MIAT: variants seen among roughly 807,000 people sequenced by gnomAD.
The protein encoded by MIAT is myocardial infarction associated transcript, also known as MI related novel mRNA.
intron 2 of MIAT, among the ~76,000 whole-genome samples, chr22:26,659,501 A>G (rs1272795294): frequency 6.6e-6 from 1 of 152,004 alleles, no homozygotes; most frequent in Non-Finnish European, 1.5e-5. Context: ...ATAACCCCTT[A>G]CCGCCAGCTT....
intron 2 of MIAT, among the ~76,000 whole-genome samples, chr22:26,651,507 G>C (rs187123960): frequency 6.6e-6 from 1 of 152,144 alleles, no homozygotes; most frequent in Non-Finnish European, 1.5e-5. Context: ...AAGGCAAGGT[G>C]GGGGAATAGA....
intron 1 of MIAT, chr22:26,646,991 A>T: frequency 2.5e-6 from 1 of 398,544 alleles, no homozygotes; most frequent in Non-Finnish European, 4.4e-6. Flanking sequence ...GCATTTCTGC[A>T]GCCCTTTCAA....
At chr22:26,671,226 C>T (rs897783741), downstream of MIAT, 1 of 398,620 alleles carries the variant, frequency 2.5e-6, no homozygotes, top group Non-Finnish European at 4.4e-6. Flanking sequence ...CTCTGAGACC[C>T]ACAGCCAATA....
Position 26,657,409 on chromosome 22 carries a change from G to A in MIAT, n.647-5907G>A, listed in dbSNP as rs2146002124. On this transcript the variant is annotated intron_variant and non_coding_transcript_variant, in intron 2 of 5. Coordinates refer to ENST00000643270, the Ensembl canonical transcript of MIAT. ...GGGCGCAAGGAGGCGGGAGGAGGGT[G>A]GAGGTGAGGGCCGGGGGTGGGGCGC... is the stretch of plus-strand genomic sequence containing the variant. 7.5e-6 allele frequency: 3 copies of A among 398,162 alleles called. 1 individual carries two copies. Among genetic ancestry groups the A allele is most frequent in the Admixed American group, 8.8e-5 (2 of 22,732 alleles). The allele number at this position is 398,162 out of a possible 1,614,324, so 24.7% of individuals were successfully genotyped here. A position where few individuals can be genotyped will look rare whatever the true frequency, so the allele number is the denominator to read the frequency against.
At chr22:26,648,808 G>A (rs183815652) in intron 2 of MIAT, among the ~76,000 whole-genome samples, 102 of 152,254 alleles carry the variant, frequency 6.7e-4, no homozygotes, top group Middle Eastern at 3.4e-3. Context: ...TGTCTGTTTA[G>A]CTTCTAAGAT....
At chr22:26,659,634 T>C (rs1930585529) in intron 2 of MIAT, among the ~76,000 whole-genome samples, 1 of 151,400 alleles carries the variant, frequency 6.6e-6, no homozygotes, top group Admixed American at 6.6e-5. Flanking sequence ...ACCCAGGAGT[T>C]CAAGCCAAGC....
chr22:26,667,360 GCA>G, intron 5 of MIAT: 1 of 396,610 alleles, frequency 2.5e-6, no homozygotes, highest in Non-Finnish European at 4.4e-6. Context: ...GTGTGCGTGT[GCA>G]CATGTGTGTG....
At position 26,664,383 on chromosome 22, in the gene MIAT, A is replaced by G. The variant is rs1930773342; in HGVS notation, n.729+985A>G. On this transcript the variant is annotated intron_variant and non_coding_transcript_variant, in intron 3 of 5. Transcript: ENST00000643270. The stretch of plus-strand genomic sequence containing the variant: ...CAATTTTATTGAGGCATAGTTTAAA[A>G]GTCATATAACTCACCCATTCAATGA... Among the ~76,000 whole-genome samples the G allele has an allele frequency of 3.3e-5, 5 of 152,196 alleles. No homozygotes were observed. In the South Asian group the frequency reaches 8.3e-4, roughly 25 times the overall value.
intron 2 of MIAT, among the ~76,000 whole-genome samples, chr22:26,660,506 C>T (rs1354873251): frequency 6.7e-6 from 1 of 149,894 alleles, no homozygotes; most frequent in Admixed American, 6.7e-5. Context: ...AAAGAAATTG[C>T]ATTATATGTA....
downstream of MIAT, chr22:26,670,908 G>C (rs969321745): frequency 1.0e-4 from 41 of 398,326 alleles, no homozygotes; most frequent in South Asian, 3.8e-4. Flanking sequence ...AAGCAGACCG[G>C]GTGGGCGTGG....
intron 2 of MIAT, among the ~76,000 whole-genome samples, chr22:26,648,196 C>G (rs1472835272): frequency 6.6e-6 from 1 of 152,094 alleles, no homozygotes; most frequent in African/African-American, 2.4e-5. Flanking sequence ...GGCTGCAGCA[C>G]CTGCTGGGGC....
chr22:26,676,038 A>G, exon 5 of MIAT: 2 of 398,674 alleles, frequency 5.0e-6, no homozygotes, highest in Middle Eastern at 6.3e-4. Flanking sequence ...TTTGGAGTCT[A>G]CTGAACATCA....
At chr22:26,673,307 C>T, downstream of MIAT, 1 of 398,806 alleles carries the variant, frequency 2.5e-6, no homozygotes, top group East Asian at 3.6e-5. Context: ...TTTCATGCCT[C>T]ACCTCCAGTA....
chr22:26,676,125 A>T (rs931463350), exon 5 of MIAT: 4 of 307,192 alleles, frequency 1.3e-5, no homozygotes, highest in African/African-American at 9.7e-5. Flanking sequence ...CTTTCTTAAT[A>T]GGTTGTGCTG....
chr22:26,667,333 A>AGTGTGTGTGTGTGTGTATGTGT, intron 5 of MIAT: 1 of 390,236 alleles, frequency 2.6e-6, no homozygotes, highest in African/African-American at 2.1e-5. Flanking sequence ...TCCTGGGAGC[A>AGTGTGTGTGTGTGTGTATGTGT]GTGTGTGTGT....
downstream of MIAT, chr22:26,672,212 CTCT>C (rs1569224852): frequency 2.5e-6 from 1 of 399,214 alleles, no homozygotes; most frequent in African/African-American, 2.1e-5. Flanking sequence ...ACCCTGTTTT[CTCT>C]TCTTACTAAC....
chr22:26,649,393 G>C (rs1447333649), intron 2 of MIAT, among the ~76,000 whole-genome samples: 1 of 152,208 alleles, frequency 6.6e-6, no homozygotes, highest in East Asian at 1.9e-4. Flanking sequence ...GCAGTCCCTG[G>C]TGGATTCCTC....
chr22:26,654,959 G>T (rs538659753), intron 2 of MIAT, among the ~76,000 whole-genome samples: 1 of 152,080 alleles, frequency 6.6e-6, no homozygotes, highest in African/African-American at 2.4e-5. Flanking sequence ...TGATCCGCCC[G>T]CCTCGGCCTC....
In MIAT at chr22:26,657,805, CATTGG is replaced by C. The variant is rs1930516848; in HGVS notation, n.647-5508_647-5504del. On this transcript the variant is annotated intron_variant and non_coding_transcript_variant, in intron 2 of 5. Transcript: ENST00000643270. ...ATGCAACGCCGCCTGAAGTGTCCCG[CATTGG>C]ATGGATGAAGAGGCTTTACAGCCTG... The C allele has an allele frequency of 1.0e-5, 4 of 397,668 alleles. No homozygotes were observed. The Admixed American group carries it at 1.8e-4, about 18-fold the overall frequency. The allele number at this position is 397,668 out of a possible 1,614,324, so 24.6% of individuals were successfully genotyped here. A position where few individuals can be genotyped will look rare whatever the true frequency, so the allele number is the denominator to read the frequency against.
Sources: gnomAD v4.1 joint callset for allele counts (sites outside exome capture counted in the v4.1 genomes callset) on GRCh38, gnomAD v4.1.1 for gene constraint, MANE v1.5 for transcripts, NCBI Gene and HGNC (gene_info 2026-07-23, HGNC 2026-07-21) for gene names.